CELSR1: variants seen among roughly 807,000 people sequenced by gnomAD.
CELSR1 encodes adhesion G protein-coupled receptor C1.
CELSR1 carries 110 observed loss-of-function variants against 249.1 expected under a neutral mutation model. The observed-to-expected ratio is 0.44, with a 90% CI of 0.38 to 0.52. CELSR1 has a LOEUF of 0.52. CELSR1 is among the 20% of genes least tolerant of loss of function. The pLI, the probability that CELSR1 is intolerant of heterozygous loss-of-function variation, is 0.00. For synonymous variants in CELSR1, 2,113 were observed against 1,900.0 expected, an observed-to-expected ratio of 1.11 and a Z score of -2.92; for missense variants, 4,109 against 4,296.4, an observed-to-expected ratio of 0.96 and a Z score of 1.22.
At chr22:46,466,115 G>A (rs922319988) in intron 1 of CELSR1, among the ~76,000 whole-genome samples, 13 of 152,224 alleles carry the variant, frequency 8.5e-5, no homozygotes, top group Non-Finnish European at 2.9e-5. Flanking sequence ...AGCCCAGAGG[G>A]CGTCCGCAGA....
rs1333579829 is a variant in CELSR1, at chr22:46,361,613, CTG to C, written c.*1608_*1609del. On this transcript the variant is annotated 3_prime_UTR_variant, in exon 35 of 35. Transcript: ENST00000674500. ...TATAATTCATTCAGGTGTGAGGACT[CTG>C]GGATCTCATTTCATCCTCCTGTCCT... is the stretch of plus-strand genomic sequence containing the variant. 2 of 152,236 alleles carry C rather than the reference CTG, an allele frequency of 1.3e-5. No homozygotes were observed. The highest frequency in any genetic ancestry group is 6.5e-5 in the Admixed American group (1 of 15,290). 9.4% of individuals were successfully genotyped at this position (152,236 alleles called of 1,614,324 possible).
At position 46,398,493 on chromosome 22, in the gene CELSR1, C is replaced by T. The variant is rs373334257; in HGVS notation, c.5526+31G>A. ...CTCGGAGCTGCCTGTGAGGGGCAGG[C>T]CTCCCCCCGCCCCCCACAACCCCCA... On this transcript the variant is annotated intron_variant, in intron 11 of 34. Coordinates refer to ENST00000674500, the MANE Select transcript of CELSR1 (RefSeq NM_001378328.1). The surrounding 1 kb of genome is among the most constrained non-coding windows in gnomAD (Gnocchi z 7.2). 6 of 1,493,796 alleles carry T rather than the reference C, an allele frequency of 4.0e-6. No individual in the cohort carries two copies. In the African/African-American group the frequency reaches 5.6e-5, roughly 14 times the overall value. 92.5% of individuals were successfully genotyped at this position (1,493,796 alleles called of 1,614,324 possible). A position where few individuals can be genotyped will look rare whatever the true frequency, so the allele number is the denominator to read the frequency against.
chr22:46,423,716 T>A lies in CELSR1; in HGVS notation c.4611+9677A>T, dbSNP rs1034748230. Among the ~76,000 whole-genome samples, 1 of 151,436 alleles carries A rather than the reference T, an allele frequency of 6.6e-6. No homozygotes were observed. Among genetic ancestry groups the A allele is most frequent in the Non-Finnish European group, 1.5e-5 (1 of 67,924 alleles). On this transcript the variant is annotated intron_variant, in intron 5 of 34. Coordinates refer to ENST00000674500, the MANE Select transcript of CELSR1 (RefSeq NM_001378328.1). This position sits in a 1 kb window ranked among gnomAD's most constrained non-coding sequence, Gnocchi z 5.6. The stretch of plus-strand genomic sequence containing the variant: ...GGCCGGGTGCGGTGGCTCACGCCTA[T>A]AATCCAGCACTTTGGGAGGCTGAGG...
intron 1 of CELSR1, among the ~76,000 whole-genome samples, chr22:46,466,702 C>T (rs967675263): frequency 2.0e-4 from 31 of 152,326 alleles, no homozygotes; most frequent in African/African-American, 7.0e-4. Flanking sequence ...ATAGACCAAC[C>T]GTTCATCAAC....
chr22:46,458,088 G>T (rs1006071681), intron 2 of CELSR1, among the ~76,000 whole-genome samples: 1 of 150,090 alleles, frequency 6.7e-6, no homozygotes, highest in African/African-American at 2.4e-5. Flanking sequence ...ACCACCATGG[G>T]GGTGAGGGCT....
In CELSR1 at chr22:46,364,011, T is replaced by G. The variant is rs377390643; in HGVS notation, c.9020A>C (p.Asp3007Ala). 39 of 1,607,422 alleles carry G rather than the reference T, an allele frequency of 2.4e-5. No individual in the cohort carries two copies. The African/African-American group carries it at 4.7e-4, about 19-fold the overall frequency. ...MNVRTGSAQA[D>A]GSDSEGSNET... ...GGCTACTCACTCAGAGTCGGAGCCA[T>G]CGGCCTGGGCGCTCCCAGTGCGCAC... The change falls in exon 34 of 35, where the codon GAT becomes GCT. Residue 3007 changes from aspartate to alanine, a missense_variant. By Grantham distance (126) the Asp-to-Ala change is moderately radical. Transcript: ENST00000674500.
intron 2 of CELSR1, among the ~76,000 whole-genome samples, chr22:46,451,316 C>T (rs887023094): frequency 3.9e-5 from 6 of 152,202 alleles, no homozygotes; most frequent in African/African-American, 1.2e-4. Context: ...CTGCAGAAGC[C>T]GCTTGTCCAG....
chr22:46,521,225 C>T (rs2080681716), intron 1 of CELSR1, among the ~76,000 whole-genome samples: 1 of 152,036 alleles, frequency 6.6e-6, no homozygotes, highest in Non-Finnish European at 1.5e-5. Flanking sequence ...TGTTTTCAGC[C>T]GGGCGCGGTG....
At chr22:46,377,686 C>T (rs2078933700) in intron 23 of CELSR1, 1 of 212,502 alleles carries the variant, frequency 4.7e-6, no homozygotes, top group East Asian at 1.1e-4. Flanking sequence ...CTCCACTAAT[C>T]ACTGACCCCG....
chr22:46,420,586 T>C (rs2079458833), intron 5 of CELSR1, among the ~76,000 whole-genome samples: 1 of 152,172 alleles, frequency 6.6e-6, no homozygotes, highest in Non-Finnish European at 1.5e-5. Context: ...TGCTCACCCA[T>C]ACTCGTGCTC....
intron 2 of CELSR1, among the ~76,000 whole-genome samples, chr22:46,451,575 C>T (rs1051654691): frequency 1.3e-5 from 2 of 152,104 alleles, no homozygotes; most frequent in Non-Finnish European, 2.9e-5. Context: ...AAGCCAAAGG[C>T]TCCAGTAGCA....
Position 46,396,840 on chromosome 22 carries a change from G to T in CELSR1, c.5702-94C>A. On this transcript the variant is annotated intron_variant, in intron 12 of 34. Transcript: ENST00000674500. The surrounding 1 kb of genome is among the most constrained non-coding windows in gnomAD (Gnocchi z 6.4). ...GCAACCTGTCCCCTCCAGAAGATCT[G>T]ACTTTCCCTGGTACTCAGCAGAGGG... 1 of 1,489,168 alleles carries T rather than the reference G, an allele frequency of 6.7e-7. No homozygotes were observed. The highest frequency in any genetic ancestry group is 1.2e-5 in the South Asian group (1 of 80,484). 92.2% of individuals were successfully genotyped at this position (1,489,168 alleles called of 1,614,324 possible). A position where few individuals can be genotyped will look rare whatever the true frequency, so the allele number is the denominator to read the frequency against.
chr22:46,385,040 C>T (rs2079017951), intron 19 of CELSR1, among the ~76,000 whole-genome samples: 1 of 152,086 alleles, frequency 6.6e-6, no homozygotes, highest in South Asian at 2.1e-4. Flanking sequence ...AATTTGCATG[C>T]CCCGGCTTTC....
chr22:46,534,453 T>C lies in CELSR1; in HGVS notation c.2718A>G (p.Pro906=). The C allele has an allele frequency of 6.2e-7, 1 of 1,612,878 alleles. No individual in the cohort carries two copies. The highest frequency in any genetic ancestry group is 8.5e-7 in the Non-Finnish European group (1 of 1,179,970). ...AGACCTGGAGGATGCTGGTCGAGGG[T>C]GGAGCATCCTCAAAGATGGAACCCT... is the stretch of plus-strand genomic sequence containing the variant. ...FYQGSIFEDA[P]PSTSILQVSA... is the part of the protein sequence containing the mutation. Residue 906 remains proline (P), a synonymous_variant, in exon 1 of 35, where the codon CCA becomes CCG. Transcript: ENST00000674500. This position sits in a 1 kb window ranked among gnomAD's most constrained non-coding sequence, Gnocchi z 9.7.
At chr22:46,514,146 A>T (rs2080602915) in intron 1 of CELSR1, among the ~76,000 whole-genome samples, 2 of 151,926 alleles carry the variant, frequency 1.3e-5, no homozygotes, top group African/African-American at 4.8e-5. Context: ...CTTTTCTCAC[A>T]TCCCAGCACC....
intron 18 of CELSR1, among the ~76,000 whole-genome samples, chr22:46,387,598 A>G (rs1359297032): frequency 1.3e-5 from 2 of 151,988 alleles, no homozygotes; most frequent in Non-Finnish European, 2.9e-5. Flanking sequence ...GGCTCAGGCA[A>G]TCTGCCCATC....
At position 46,471,788 on chromosome 22, in the gene CELSR1, C is replaced by G. The variant is rs2080157930; in HGVS notation, c.3545-7443G>C. ...GATTTCCCTCATTTCCACCCACTGT[C>G]CTCTCCTGTCCCAGGACCCCACACC... On this transcript the variant is annotated intron_variant, in intron 1 of 34. Transcript: ENST00000674500. This position sits in a 1 kb window ranked among gnomAD's most constrained non-coding sequence, Gnocchi z 4.9. Among the ~76,000 whole-genome samples the G allele has an allele frequency of 6.6e-6, 1 of 152,170 alleles. No homozygotes were observed. Among genetic ancestry groups the G allele is most frequent in the Non-Finnish European group, 1.5e-5 (1 of 68,038 alleles).
chr22:46,399,214 G>T lies in CELSR1; in HGVS notation c.5412+503C>A, dbSNP rs930658311. 2.6e-5 allele frequency among the ~76,000 whole-genome samples: 4 copies of T among 152,178 alleles called. No individual in the cohort carries two copies. Among genetic ancestry groups the T allele is most frequent in the African/African-American group, 9.7e-5 (4 of 41,444 alleles). ...CCTGCAAACTGTGGAAACCTAGTTT[G>T]GTTAAGTGTTCCGAACATTGTCTGG... On this transcript the variant is annotated intron_variant, in intron 10 of 34. Transcript: ENST00000674500. The surrounding 1 kb of genome is among the most constrained non-coding windows in gnomAD (Gnocchi z 5.0).
At position 46,433,590 on chromosome 22, in the gene CELSR1, G is replaced by T. The variant is rs376660358; in HGVS notation, c.4523-109C>A. 2 of 742,596 alleles carry T rather than the reference G, an allele frequency of 2.7e-6. No homozygotes were observed. The highest frequency in any genetic ancestry group is 2.3e-5 in the Admixed American group (1 of 43,722). The allele number at this position is 742,596 out of a possible 1,614,324, so 46.0% of individuals were successfully genotyped here. A position where few individuals can be genotyped will look rare whatever the true frequency, so the allele number is the denominator to read the frequency against. On this transcript the variant is annotated intron_variant, in intron 4 of 34. Coordinates refer to ENST00000674500, the MANE Select transcript of CELSR1 (RefSeq NM_001378328.1). This position sits in a 1 kb window ranked among gnomAD's most constrained non-coding sequence, Gnocchi z 5.7. ...GGGGGAGACAGGTGCACATGGCCAC[G>T]TCCTCCCTCCCCTCCCCACGGCACC...
Sources: gnomAD v4.1 joint callset for allele counts (sites outside exome capture counted in the v4.1 genomes callset) on GRCh38, gnomAD v4.1.1 for gene constraint, Gnocchi (gnomAD v3.1) non-coding constraint, MANE v1.5 for transcripts, NCBI Gene and HGNC (gene_info 2026-07-23, HGNC 2026-07-21) for gene names.